Variants in ATAD2B observed in about 807,000 individuals in gnomAD.
ATAD2B encodes ATPase family AAA domain containing 2B.
ATAD2B carries 40 observed loss-of-function variants against 167.6 expected under a neutral mutation model. The ratio of observed to expected loss-of-function variants is 0.24; its 90% CI spans 0.19 to 0.31. The LOEUF (loss-of-function observed/expected upper bound fraction) is 0.31, where lower values mean the gene tolerates loss of function less well. Ranked by LOEUF, ATAD2B falls within the 10% of genes least tolerant of loss-of-function variation. The probability of loss-of-function intolerance (pLI) is 1.00; values close to 1 mark genes in which losing one functional copy is unlikely to be tolerated. For synonymous variants in ATAD2B, 579 were observed against 596.5 expected, an observed-to-expected ratio of 0.97 and a Z score of 0.43; for missense variants, 1,242 against 1,757.2, an observed-to-expected ratio of 0.71 and a Z score of 5.24.
chr2:23,834,050 T>C lies in ATAD2B; in HGVS notation c.1597A>G (p.Met533Val). 3 of 1,599,220 alleles carry C rather than the reference T, an allele frequency of 1.9e-6. No homozygotes were observed. Among genetic ancestry groups the C allele is most frequent in the Non-Finnish European group, 2.6e-6 (3 of 1,172,302 alleles). The change falls in exon 14 of 28, where the codon ATG (methionine) becomes GTG (valine). Residue 533 changes from methionine (M) to valine (V), a missense_variant. This residue lies in a region of ATAD2B where 151 missense variants were observed against 284.1 expected (regional missense o/e 0.53). Coordinates refer to ENST00000238789, the MANE Select transcript of ATAD2B (RefSeq NM_017552.4). ...TCACCCCTATTATCTAATCCATCCA[T>C]AAGAGCAAGGAGGGTTGATACTATA... Reference protein sequence around the residue: ...SSIVSTLLALMDGLDNRGEIV... With the variant: ...SSIVSTLLALVDGLDNRGEIV...
chr2:23,844,347 C>G (rs1212426059), intron 13 of ATAD2B, among the ~76,000 whole-genome samples: 2 of 151,200 alleles, frequency 1.3e-5, no homozygotes, highest in East Asian at 3.9e-4. Flanking sequence ...TCAAGAATAT[C>G]TACTTACAGT....
intron 25 of ATAD2B, among the ~76,000 whole-genome samples, chr2:23,757,006 A>C (rs145344411): frequency 2.0e-5 from 3 of 152,308 alleles, no homozygotes; most frequent in African/African-American, 7.2e-5. Context: ...TCTTCCGAAT[A>C]TATCATACTG....
intron 6 of ATAD2B, among the ~76,000 whole-genome samples, chr2:23,884,407 T>C (rs1698395254): frequency 6.6e-6 from 1 of 152,108 alleles, no homozygotes; most frequent in Non-Finnish European, 1.5e-5. Context: ...ATCAGAGATT[T>C]AGAGGCCACG....
At chr2:23,809,765 G>A (rs936002261) in intron 18 of ATAD2B, among the ~76,000 whole-genome samples, 1 of 151,958 alleles carries the variant, frequency 6.6e-6, no homozygotes, top group African/African-American at 2.4e-5. Context: ...ATATATCCAT[G>A]GTTATATATA....
At chr2:23,878,663 TAAATAAAATA>T (rs967848901) in intron 7 of ATAD2B, among the ~76,000 whole-genome samples, 110 of 151,736 alleles carry the variant, frequency 7.2e-4, no homozygotes, top group African/African-American at 2.3e-3. Context: ...CATCTCAAAA[TAAATAAAATA>T]AAATAAAATA....
At chr2:23,777,411 T>A (rs1032448819) in intron 22 of ATAD2B, among the ~76,000 whole-genome samples, 2 of 146,914 alleles carry the variant, frequency 1.4e-5, no homozygotes, top group African/African-American at 5.0e-5. Context: ...AAGGCAAGAA[T>A]TGTCAGAGTC....
chr2:23,760,190 GTA>G (rs1676474571), intron 24 of ATAD2B, among the ~76,000 whole-genome samples: 1 of 152,138 alleles, frequency 6.6e-6, no homozygotes, highest in Admixed American at 6.5e-5. Context: ...AGGACTGGAG[GTA>G]TTTTTCTCTT....
intron 1 of ATAD2B, among the ~76,000 whole-genome samples, chr2:23,913,351 G>A (rs545875217): frequency 6.6e-6 from 1 of 152,104 alleles, no homozygotes; most frequent in Non-Finnish European, 1.5e-5. Flanking sequence ...AAATTCTAGT[G>A]GGGGCCAGGC....
chr2:23,880,179 C>T (rs1163970074), intron 7 of ATAD2B, among the ~76,000 whole-genome samples: 2 of 151,932 alleles, frequency 1.3e-5, no homozygotes, highest in African/African-American at 4.8e-5. Context: ...TAAACACAAG[C>T]TTCTATAAAT....
At chr2:23,693,588 G>A in the ATAD2B span, 1 of 1,491,182 alleles carries the variant, frequency 6.7e-7, no homozygotes, top group South Asian at 1.2e-5. Flanking sequence ...CTGCGGCAAT[G>A]GGGTCTGCAG....
chr2:23,908,006 T>G (rs1208901032), intron 1 of ATAD2B, among the ~76,000 whole-genome samples: 1 of 152,062 alleles, frequency 6.6e-6, no homozygotes, highest in African/African-American at 2.4e-5. Context: ...GATTAAAGAC[T>G]TAAGCGTTAG....
chr2:23,782,050 C>G (rs547813006), intron 22 of ATAD2B, among the ~76,000 whole-genome samples: 23 of 152,290 alleles, frequency 1.5e-4, no homozygotes, highest in Admixed American at 1.4e-3. Context: ...CTCCTGAGGT[C>G]AAGTGATCCA....
chr2:23,888,049 A>G (rs1057490016), intron 3 of ATAD2B, 64 bp from the exon 4 acceptor site: 3 of 1,332,628 alleles, frequency 2.3e-6, no homozygotes, highest in Non-Finnish European at 2.9e-6. Flanking sequence ...AAGAAAAAAA[A>G]AATCAAAAAA....
At chr2:23,790,721 T>C (rs1420791637) in intron 19 of ATAD2B, among the ~76,000 whole-genome samples, 1 of 152,232 alleles carries the variant, frequency 6.6e-6, no homozygotes, top group African/African-American at 2.4e-5. Flanking sequence ...TTCACACTGG[T>C]TGTGATACAT....
intron 17 of ATAD2B, among the ~76,000 whole-genome samples, chr2:23,817,568 C>T (rs998947040): frequency 2.0e-5 from 3 of 152,116 alleles, no homozygotes; most frequent in African/African-American, 7.2e-5. Context: ...TGTTTGTCAC[C>T]CCCAACCATG....
At chr2:23,825,109 A>ATTTTTTTTTTTTT (rs70941593) in intron 15 of ATAD2B, among the ~76,000 whole-genome samples, 1 of 111,526 alleles carries the variant, frequency 9.0e-6, no homozygotes, top group African/African-American at 3.6e-5. Context: ...CATCAGGCTA[A>ATTTTTTTTTTTTT]TTTTTTTTTT....
chr2:23,884,684 T>C, intron 6 of ATAD2B, 81 bp downstream of exon 6: 1 of 721,800 alleles, frequency 1.4e-6, no homozygotes, highest in Admixed American at 3.4e-5. Context: ...CTCAGCAACA[T>C]TCTACATATA....
intron 1 of ATAD2B, among the ~76,000 whole-genome samples, chr2:23,913,106 T>A (rs1702537720): frequency 6.6e-6 from 1 of 152,192 alleles, no homozygotes; most frequent in Non-Finnish European, 1.5e-5. Flanking sequence ...ATGTTTTCCA[T>A]CATACATTTT....
intron 19 of ATAD2B, among the ~76,000 whole-genome samples, chr2:23,797,338 TCTA>T (rs1339474972): frequency 1.3e-5 from 2 of 152,126 alleles, no homozygotes; most frequent in African/African-American, 2.4e-5. Flanking sequence ...AGTAAGATGA[TCTA>T]CTATTTTTTT....
Sources: allele counts gnomAD v4.1 joint callset (sites outside exome capture counted in the v4.1 genomes callset), GRCh38; gene constraint gnomAD v4.1.1; regional missense constraint gnomAD v4.1.1; transcripts MANE v1.5; gene names NCBI Gene and HGNC (gene_info 2026-07-23, HGNC 2026-07-21).